PCDH15: variants seen among roughly 807,000 people sequenced by gnomAD.
PCDH15 encodes the protein protocadherin related 15.
A neutral mutation model predicts 178.5 loss-of-function variants in PCDH15; 129 were observed. The observed-to-expected ratio is 0.72, with a 90% CI of 0.63 to 0.84. The LOEUF is 0.84. Ranked by LOEUF, PCDH15 falls within the 40% of genes least tolerant of loss-of-function variation. PCDH15 has a pLI of 0.00. For synonymous variants in PCDH15, 800 were observed against 732.0 expected, an observed-to-expected ratio of 1.09 and a Z score of -1.50; for missense variants, 2,230 against 2,099.9, an observed-to-expected ratio of 1.06 and a Z score of -1.21.
At chr10:54,099,351 T>C (rs1380272795) in intron 15 of PCDH15, among the ~76,000 whole-genome samples, 1 of 151,320 alleles carries the variant, frequency 6.6e-6, no homozygotes, top group Admixed American at 6.6e-5. Context: ...ATACAAAAAA[T>C]TAGCTAGGCA....
At chr10:55,211,316 G>C (rs913691093) in intron 1 of PCDH15, among the ~76,000 whole-genome samples, 5 of 152,128 alleles carry the variant, frequency 3.3e-5, no homozygotes, top group African/African-American at 1.2e-4. Flanking sequence ...AAAAAAGCCA[G>C]TAAATAGCCA....
intron 2 of PCDH15, among the ~76,000 whole-genome samples, chr10:55,097,982 A>G (rs1239204633): frequency 6.6e-6 from 1 of 152,150 alleles, no homozygotes. Flanking sequence ...GAAAGAAGAA[A>G]ATGAAGTTTC....
chr10:54,345,523 T>A (rs747918538), intron 6 of PCDH15, among the ~76,000 whole-genome samples: 1 of 152,062 alleles, frequency 6.6e-6, no homozygotes, highest in Non-Finnish European at 1.5e-5. Flanking sequence ...AGGCAAGGCT[T>A]CCAGCTCTAG....
Position 54,574,934 on chromosome 10 carries a change from C to A in PCDH15, c.92-47057G>T, listed in dbSNP as rs554200818. Among the ~76,000 whole-genome samples the A allele has an allele frequency of 2.9e-3, 433 of 148,608 alleles. 2 individuals carry two copies. The highest frequency in any genetic ancestry group is 8.0e-3 in the East Asian group (39 of 4,892). ...AACAATGATAGACTGGATTAAGAAA[C>A]TGTGGCACATATACACCATGGAATA... On this transcript the variant is annotated intron_variant, in intron 2 of 37. Transcript: ENST00000644397.
intron 3 of PCDH15, among the ~76,000 whole-genome samples, chr10:54,484,625 T>G (rs1166113984): frequency 6.6e-6 from 1 of 151,612 alleles, no homozygotes; most frequent in African/African-American, 2.4e-5. Context: ...AGATAAGAAG[T>G]GTGAAATAAA....
intron 2 of PCDH15, among the ~76,000 whole-genome samples, chr10:55,451,566 A>G: frequency 6.6e-6 from 1 of 152,134 alleles, no homozygotes; most frequent in Admixed American, 6.5e-5. Flanking sequence ...AATTTAAACA[A>G]ATATTGTAAA....
At chr10:55,214,898 A>C (rs1840662930) in intron 1 of PCDH15, among the ~76,000 whole-genome samples, 1 of 152,096 alleles carries the variant, frequency 6.6e-6, no homozygotes, top group African/African-American at 2.4e-5. Context: ...TAAATTCTAT[A>C]ATCTGTTTTA....
chr10:55,279,120 A>G lies in PCDH15; in HGVS notation c.-156+40479T>C, dbSNP rs527998557. Among the ~76,000 whole-genome samples the G allele has an allele frequency of 5.8e-4, 89 of 152,284 alleles. No individual in the cohort carries two copies. In the South Asian group the frequency reaches 0.017, roughly 30 times the overall value. On this transcript the variant is annotated intron_variant, in intron 1 of 5. Transcript: ENST00000458638. Reference sequence around the variant, plus strand: ...GAGAGCCATTCCGTTTACAACTGTGAAAATCTTACTTGATTTTTAAAACTA... The same window carrying G: ...GAGAGCCATTCCGTTTACAACTGTGGAAATCTTACTTGATTTTTAAAACTA...
rs144696135 is a variant in PCDH15, at chr10:53,866,603, T to A, written c.3717+39A>T. The A allele has an allele frequency of 6.3e-4, 920 of 1,467,142 alleles. 13 individuals are homozygous for A. In the East Asian group the frequency reaches 0.019, roughly 30 times the overall value. 90.9% of individuals were successfully genotyped at this position (1,467,142 alleles called of 1,614,324 possible). A position where few individuals can be genotyped will look rare whatever the true frequency, so the allele number is the denominator to read the frequency against. Reference sequence around the variant, plus strand: ...TGAAAACACTGACCTATGGCTAGTATCGTAGCTACTTCCCTTTCCTGAAGT... The same window carrying A: ...TGAAAACACTGACCTATGGCTAGTAACGTAGCTACTTCCCTTTCCTGAAGT... On this transcript the variant is annotated intron_variant, in intron 27 of 37. Coordinates refer to ENST00000644397, the MANE Select transcript of PCDH15 (RefSeq NM_001384140.1).
chr10:54,348,052 G>A (rs980658416), intron 5 of PCDH15, among the ~76,000 whole-genome samples: 10 of 151,876 alleles, frequency 6.6e-5, no homozygotes, highest in Admixed American at 2.6e-4. Context: ...GTTTCACCGC[G>A]TTAGCAAGGA....
At chr10:54,607,034 A>G (rs748161336) in intron 2 of PCDH15, 3 of 151,964 alleles carry the variant, frequency 2.0e-5, no homozygotes, top group Non-Finnish European at 2.9e-5. Flanking sequence ...TTTTGAAAAG[A>G]TATACTAATT....
chr10:54,827,328 T>C (rs543818122), intron 3 of PCDH15, among the ~76,000 whole-genome samples: 3 of 152,242 alleles, frequency 2.0e-5, no homozygotes, highest in Admixed American at 2.0e-4. Context: ...GTGAACACTT[T>C]ATTTTTTATA....
intron 26 of PCDH15, among the ~76,000 whole-genome samples, chr10:53,884,045 A>T (rs2080924240): frequency 6.6e-6 from 1 of 152,202 alleles, no homozygotes; most frequent in African/African-American, 2.4e-5. Context: ...AACAAAACAA[A>T]ACAAAACAAA....
intron 3 of PCDH15, among the ~76,000 whole-genome samples, chr10:54,457,672 T>A (rs2076916785): frequency 6.6e-6 from 1 of 151,760 alleles, no homozygotes; most frequent in Admixed American, 6.6e-5. Flanking sequence ...TAACCACATC[T>A]AAAATTGCTA....
chr10:55,174,192 T>C (rs1196818212), intron 1 of PCDH15, among the ~76,000 whole-genome samples: 1 of 152,198 alleles, frequency 6.6e-6, no homozygotes, highest in African/African-American at 2.4e-5. Flanking sequence ...AGTTTGGAAT[T>C]TAGATGTGAA....
At chr10:54,435,420 T>C (rs1202975831) in intron 3 of PCDH15, among the ~76,000 whole-genome samples, 3 of 152,220 alleles carry the variant, frequency 2.0e-5, no homozygotes, top group African/African-American at 7.2e-5. Context: ...TGCTGGGGCC[T>C]TCTCAATATT....
chr10:53,994,169 C>T (rs986266750), intron 21 of PCDH15, among the ~76,000 whole-genome samples: 1 of 152,152 alleles, frequency 6.6e-6, no homozygotes, highest in Non-Finnish European at 1.5e-5. Context: ...CTCTGAATGC[C>T]AAGCCAGGCA....
chr10:54,444,088 ACT>A (rs1444107185), intron 3 of PCDH15, among the ~76,000 whole-genome samples: 1 of 151,592 alleles, frequency 6.6e-6, no homozygotes, highest in African/African-American at 2.4e-5. Flanking sequence ...ACACAAGAAC[ACT>A]CTGCAACAAA....
At chr10:54,846,445 T>C (rs1252878930) in intron 3 of PCDH15, among the ~76,000 whole-genome samples, 2 of 152,128 alleles carry the variant, frequency 1.3e-5, no homozygotes, top group Non-Finnish European at 2.9e-5. Context: ...TTCATGTGTC[T>C]CTTTTATATT....
Sources: gnomAD v4.1 joint callset for allele counts (sites outside exome capture counted in the v4.1 genomes callset) on GRCh38, gnomAD v4.1.1 for gene constraint, MANE v1.5 for transcripts, NCBI Gene and HGNC (gene_info 2026-07-23, HGNC 2026-07-21) for gene names.